The following TP53BP1 variants were observed in gnomAD, a reference collection of about 807,000 sequenced individuals.
TP53BP1 encodes the protein tumor protein p53 binding protein 1.
In TP53BP1, 61 loss-of-function variants were observed where a neutral mutation model predicts 200.8. The ratio of observed to expected loss-of-function variants is 0.30; its 90% CI spans 0.25 to 0.38. The LOEUF (loss-of-function observed/expected upper bound fraction) is 0.38. Among genes scored for constraint, TP53BP1 ranks in the 10% least tolerant of loss-of-function variants. The probability of loss-of-function intolerance (pLI) is 1.00; values close to 1 mark genes in which losing one functional copy is unlikely to be tolerated. For missense variants in TP53BP1, 2,144 were observed against 2,371.9 expected, an observed-to-expected ratio of 0.90 and a Z score of 2.00; for synonymous variants, 822 against 844.3, an observed-to-expected ratio of 0.97 and a Z score of 0.46.
chr15:43,499,028 A>C (rs569281341), intron 1 of TP53BP1, among the ~76,000 whole-genome samples: 39 of 152,214 alleles, frequency 2.6e-4, no homozygotes, highest in African/African-American at 7.5e-4. Flanking sequence ...ACAAAAAAAA[A>C]AAAACAAAAC....
At position 43,420,533 on chromosome 15, in the gene TP53BP1, A is replaced by G. The variant is rs1678474210; in HGVS notation, c.4453T>C (p.Ser1485Pro). The change falls in exon 21 of 28, where the codon TCC (serine) becomes CCC (proline). Residue 1485 changes from serine (S) to proline (P), a missense_variant. Ser to Pro is a moderately conservative substitution (Grantham distance 74). This residue lies in a region of TP53BP1 where 49 missense variants were observed against 60.7 expected (regional missense o/e 0.81). Transcript: ENST00000382044. ...AAGPSDGLDA[S>P]SPGNSFVGLR... is the part of the protein sequence containing the mutation. ...CCTACAAAGCTATTTCCTGGAGAGGAGGCATCTAAGCCATCAGAAGGGCCA... is the reference window on the plus strand; with the variant it reads ...CCTACAAAGCTATTTCCTGGAGAGGGGGCATCTAAGCCATCAGAAGGGCCA... 1.9e-6 allele frequency: 3 copies of G among 1,614,180 alleles called. No homozygotes were observed. The highest frequency in any genetic ancestry group is 1.7e-6 in the Non-Finnish European group (2 of 1,180,024).
chr15:43,501,698 A>G (rs1380104489), intron 1 of TP53BP1, among the ~76,000 whole-genome samples: 1 of 152,238 alleles, frequency 6.6e-6, no homozygotes, highest in Non-Finnish European at 1.5e-5. Flanking sequence ...ACTATTTTAT[A>G]TAAATGGAAT....
chr15:43,509,196 G>C (rs1455681085), intron 1 of TP53BP1, among the ~76,000 whole-genome samples: 1 of 100,574 alleles, frequency 9.9e-6, no homozygotes, highest in Non-Finnish European at 2.0e-5. Flanking sequence ...AACGGGGGGG[G>C]GGGGGGCAGA....
intron 8 of TP53BP1, among the ~76,000 whole-genome samples, chr15:43,476,023 G>A (rs575220245): frequency 1.3e-5 from 2 of 152,226 alleles, no homozygotes; most frequent in Admixed American, 6.5e-5. Context: ...CTAGCACTTT[G>A]GGAGGCTGAG....
chr15:43,457,716 A>T (rs1372195240), intron 11 of TP53BP1, among the ~76,000 whole-genome samples: 1 of 150,792 alleles, frequency 6.6e-6, no homozygotes, highest in East Asian at 1.9e-4. Context: ...AGCATTCATA[A>T]AGCAGGTATT....
At chr15:43,479,230 G>C (rs2078927076) in intron 7 of TP53BP1, among the ~76,000 whole-genome samples, 167 bp downstream of exon 7, 1 of 152,164 alleles carries the variant, frequency 6.6e-6, no homozygotes, top group South Asian at 2.1e-4. Flanking sequence ...AACAATTCTT[G>C]AGACTTCATA....
Position 43,457,302 on chromosome 15 carries a change from T to G in TP53BP1, c.1390-84A>C, listed in dbSNP as rs1274701698. 5 of 1,242,654 alleles carry G rather than the reference T, an allele frequency of 4.0e-6. No individual in the cohort carries two copies. The East Asian group carries it at 1.1e-4, about 26-fold the overall frequency. 77.0% of individuals were successfully genotyped at this position (1,242,654 alleles called of 1,614,324 possible). A position where few individuals can be genotyped will look rare whatever the true frequency, so the allele number is the denominator to read the frequency against. ...TCGAATCCTTGGATTCATATAAAAT[T>G]TCTAAAATCAAATTTCTAAATCAAA... On this transcript the variant is annotated intron_variant, in intron 11 of 27. Coordinates refer to ENST00000382044, the MANE Select transcript of TP53BP1 (RefSeq NM_001141980.3).
intron 11 of TP53BP1, among the ~76,000 whole-genome samples, chr15:43,466,685 C>T (rs2046587666): frequency 1.3e-5 from 2 of 152,058 alleles, no homozygotes; most frequent in Admixed American, 1.3e-4. Flanking sequence ...AGTGAGGTCC[C>T]ATCTCTACAA....
At position 43,428,039 on chromosome 15, in the gene TP53BP1, C is replaced by T; in HGVS notation, c.3805G>A (p.Glu1269Lys). Residue 1269 changes from glutamate to lysine, a missense_variant, in exon 18 of 28, where the codon GAA (glutamate) becomes AAA (lysine). Around this residue, in one of 4 missense-constraint regions of TP53BP1, gnomAD observed 1,700 missense variants for 1,710.3 expected, o/e 0.99. Transcript: ENST00000382044. ...ITDVYYVDGTEVERKVTEETE... is the reference protein window; with the variant it reads ...ITDVYYVDGTKVERKVTEETE... ...ACCTCAGTTACTTTTCTTTCTACTT[C>T]TGTTCCATCCACATAATACACATCT... is the stretch of plus-strand genomic sequence containing the variant. The T allele has an allele frequency of 6.2e-7, 1 of 1,610,980 alleles. No homozygotes were observed. The highest frequency in any genetic ancestry group is 8.5e-7 in the Non-Finnish European group (1 of 1,177,980).
At chr15:43,485,148 T>C (rs2079027789) in intron 4 of TP53BP1, among the ~76,000 whole-genome samples, 1 of 152,196 alleles carries the variant, frequency 6.6e-6, no homozygotes, top group African/African-American at 2.4e-5. Context: ...ACATACTACA[T>C]ATTTTACTTA....
intron 1 of TP53BP1, among the ~76,000 whole-genome samples, chr15:43,507,375 T>C (rs1317844129): frequency 6.6e-6 from 1 of 152,190 alleles, no homozygotes; most frequent in Admixed American, 6.5e-5. Context: ...CCTCAGGTGA[T>C]CCACCCACCT....
intron 11 of TP53BP1, among the ~76,000 whole-genome samples, chr15:43,466,980 C>G (rs1322559670): frequency 6.6e-6 from 1 of 151,994 alleles, no homozygotes; most frequent in Non-Finnish European, 1.5e-5. Flanking sequence ...TTTTAACTAT[C>G]TGACTTATTT....
rs1366193659 is a variant in TP53BP1 at position 43,480,974 on chromosome 15, C to A, written c.420G>T (p.Lys140Asn). The A allele has an allele frequency of 6.8e-6, 11 of 1,614,058 alleles. No homozygotes were observed. The highest frequency in any genetic ancestry group is 9.3e-6 in the Non-Finnish European group (11 of 1,179,962). Residue 140 changes from lysine (K) to asparagine (N), a missense_variant, in exon 5 of 28, where the codon AAG (lysine) becomes AAT (asparagine). Physicochemically the swap from Lys to Asn is moderately conservative, Grantham distance 94 (BLOSUM62 0). This residue lies in a region of TP53BP1 where 1,700 missense variants were observed against 1,710.3 expected (regional missense o/e 0.99). Coordinates refer to ENST00000382044, the MANE Select transcript of TP53BP1 (RefSeq NM_001141980.3). ...TCTCCTTCTGTTCCAACTCTTCTCC[C>A]TTCTCTTCCTCCACAGCAGGAGCAG... ...VESAPAVEEE[K>N]GEELEQKEKE...
chr15:43,412,041 C>T (rs924127436), intron 24 of TP53BP1, among the ~76,000 whole-genome samples: 1 of 152,086 alleles, frequency 6.6e-6, no homozygotes, highest in South Asian at 2.1e-4. Flanking sequence ...TACCTTATTC[C>T]CACTGTGCCT....
chr15:43,493,127 G>A lies in TP53BP1; in HGVS notation c.-84C>T, dbSNP rs186346395. ...CCAGATCGATCCCTAGGTCGCCGCT[G>A]TCGCCACCGCCGCCACCGGCCGCGA... On this transcript the variant is annotated 5_prime_UTR_variant, in exon 1 of 28. Coordinates refer to ENST00000382044, the MANE Select transcript of TP53BP1 (RefSeq NM_001141980.3). 2.1e-4 allele frequency: 341 copies of A among 1,590,812 alleles called. 5 individuals carry two copies. In the East Asian group the frequency reaches 5.5e-3, roughly 26 times the overall value.
chr15:43,468,798 C>T (rs1173939342), intron 11 of TP53BP1, among the ~76,000 whole-genome samples: 1 of 152,160 alleles, frequency 6.6e-6, no homozygotes, highest in Non-Finnish European at 1.5e-5. Flanking sequence ...CAATTGGTCA[C>T]AAAGGTAGTA....
At chr15:43,501,523 A>G (rs1301914529) in intron 1 of TP53BP1, among the ~76,000 whole-genome samples, 1 of 152,124 alleles carries the variant, frequency 6.6e-6, no homozygotes, top group South Asian at 2.1e-4. Flanking sequence ...CAGTAATTTG[A>G]TGAGCTTTGA....
chr15:43,434,323 T>C (rs1489044146), intron 16 of TP53BP1, among the ~76,000 whole-genome samples: 2 of 152,142 alleles, frequency 1.3e-5, no homozygotes, highest in Admixed American at 6.5e-5. Flanking sequence ...ACCTTCAATA[T>C]CAACTAAATA....
At chr15:43,424,331 C>T (rs1194205657) in intron 18 of TP53BP1, among the ~76,000 whole-genome samples, 1 of 152,186 alleles carries the variant, frequency 6.6e-6, no homozygotes, top group Non-Finnish European at 1.5e-5. Flanking sequence ...TAGTTGTTAT[C>T]CACTAACATT....
Sources: gnomAD v4.1 joint callset for allele counts (sites outside exome capture counted in the v4.1 genomes callset) on GRCh38, gnomAD v4.1.1 for gene constraint, gnomAD v4.1.1 regional missense constraint, MANE v1.5 for transcripts, NCBI Gene and HGNC (gene_info 2026-07-23, HGNC 2026-07-21) for gene names.